Variants in MSI2 observed in about 807,000 individuals in gnomAD.
The protein encoded by MSI2 is musashi RNA binding protein 2, also known as RNA-binding protein Musashi homolog 2.
Under a neutral mutation model 45.6 loss-of-function variants are expected in MSI2, and 17 were observed. That is an observed-to-expected ratio of 0.37 (90% confidence interval 0.26 to 0.56). MSI2 has a LOEUF of 0.56. Ranked by LOEUF, MSI2 falls within the 20% of genes least tolerant of loss-of-function variation. MSI2 has a pLI of 0.77. For synonymous variants in MSI2, 156 were observed against 158.2 expected (o/e 0.99, Z 0.11); for missense variants, 293 against 444.2 (o/e 0.66, Z 3.06).
intron 5 of MSI2, among the ~76,000 whole-genome samples, chr17:57,357,449 G>T (rs978242851): frequency 2.6e-5 from 4 of 152,144 alleles, no homozygotes; most frequent in South Asian, 4.2e-4. Context: ...AGCTTCATTC[G>T]GCAGCACACA....
At chr17:57,325,881 C>T (rs11659147) in intron 5 of MSI2, among the ~76,000 whole-genome samples, 1 of 152,090 alleles carries the variant, frequency 6.6e-6, no homozygotes, top group Non-Finnish European at 1.5e-5. Flanking sequence ...TCTGGCGTCT[C>T]CTCTTGCTAC....
intron 5 of MSI2, among the ~76,000 whole-genome samples, chr17:57,348,746 C>T (rs1377432017): frequency 6.6e-6 from 1 of 152,164 alleles, no homozygotes; most frequent in Non-Finnish European, 1.5e-5. Context: ...ATTACCCAGC[C>T]TCAGGTACTT....
chr17:57,505,613 A>C (rs992688839), intron 6 of MSI2, among the ~76,000 whole-genome samples: 2 of 152,194 alleles, frequency 1.3e-5, no homozygotes, highest in Non-Finnish European at 2.9e-5. Flanking sequence ...AAATGTGTAC[A>C]ACTTGGTAGG....
intron 6 of MSI2, among the ~76,000 whole-genome samples, chr17:57,494,120 C>G (rs1409773029): frequency 1.3e-5 from 2 of 152,144 alleles, no homozygotes; most frequent in African/African-American, 4.8e-5. Context: ...TATGATACCC[C>G]TTTTCACAGG....
intron 7 of MSI2, among the ~76,000 whole-genome samples, chr17:57,568,199 C>T (rs2087784098): frequency 6.6e-6 from 1 of 152,106 alleles, no homozygotes; most frequent in South Asian, 2.1e-4. Context: ...TGGGAGAATG[C>T]CTCTTGGTCC....
chr17:57,294,715 G>A (rs1328720988), intron 5 of MSI2: 1 of 152,272 alleles, frequency 6.6e-6, no homozygotes, highest in African/African-American at 2.4e-5. Context: ...TTGTGCTCCC[G>A]AAGGACTTGG....
chr17:57,675,075 C>G lies in MSI2; in HGVS notation c.894C>G (p.Tyr298Ter). 6.2e-7 allele frequency: 1 copy of G among 1,614,082 alleles called. No individual in the cohort carries two copies. The highest frequency in any genetic ancestry group is 2.2e-5 in the East Asian group (1 of 44,880). ...PASQDSGVGN[Y>*]ISAASPQPGS... ...GCCAGGACTCCGGAGTGGGGAATTA[C>G]ATAAGTGCGGCCAGCCCACAGCCGG... The change falls in exon 12 of 14, where the codon TAC (tyrosine) becomes TAG (stop). Residue 298 changes from tyrosine (Y) to a stop codon, truncating the protein, a stop_gained. Transcript: ENST00000284073. LOFTEE classifies it high-confidence loss of function.
chr17:57,362,456 A>G (rs1916873577), intron 5 of MSI2, among the ~76,000 whole-genome samples: 1 of 152,218 alleles, frequency 6.6e-6, no homozygotes, highest in Non-Finnish European at 1.5e-5. Context: ...TTACCCTCCC[A>G]TTGTGGAAAT....
At chr17:57,392,545 T>C (rs1253715043) in intron 5 of MSI2, among the ~76,000 whole-genome samples, 1 of 152,170 alleles carries the variant, frequency 6.6e-6, no homozygotes, top group Non-Finnish European at 1.5e-5. Context: ...TTTAAAGCTA[T>C]TTAGAGGGAA....
At chr17:57,461,418 G>A (rs1304262421) in intron 6 of MSI2, among the ~76,000 whole-genome samples, 2 of 152,246 alleles carry the variant, frequency 1.3e-5, no homozygotes, top group Admixed American at 6.5e-5. Context: ...AGGTAGCCTC[G>A]GCAGAGGGGC....
intron 8 of MSI2, among the ~76,000 whole-genome samples, chr17:57,610,450 T>TA (rs111461890): frequency 0.047 from 5,189 of 109,632 alleles, 1,311 homozygotes; most frequent in African/African-American, 0.16. Context: ...AGACTCCGTC[T>TA]AAAAAAAAAA....
At chr17:57,581,005 T>C (rs1046280029) in intron 7 of MSI2, among the ~76,000 whole-genome samples, 5 of 61,222 alleles carry the variant, frequency 8.2e-5, no homozygotes, top group Non-Finnish European at 1.3e-4. Context: ...GGTCAGCATC[T>C]TTTTTTTTTT....
At chr17:57,311,846 A>G (rs1028821294) in intron 5 of MSI2, among the ~76,000 whole-genome samples, 2 of 152,040 alleles carry the variant, frequency 1.3e-5, no homozygotes, top group Non-Finnish European at 2.9e-5. Context: ...ACCACACCTG[A>G]TTAATTTTGT....
At chr17:57,326,469 G>A (rs936410436) in intron 5 of MSI2, among the ~76,000 whole-genome samples, 1 of 152,224 alleles carries the variant, frequency 6.6e-6, no homozygotes, top group Admixed American at 6.5e-5. Context: ...ATATAGGTCT[G>A]TATTTCTTGG....
chr17:57,567,761 C>T (rs188609288), intron 7 of MSI2, among the ~76,000 whole-genome samples: 15 of 152,306 alleles, frequency 9.8e-5, no homozygotes, highest in Admixed American at 9.1e-4. Context: ...ATTACCTGTC[C>T]CCAGGGAAGG....
At chr17:57,495,337 A>T (rs2085954678) in intron 6 of MSI2, among the ~76,000 whole-genome samples, 1 of 152,062 alleles carries the variant, frequency 6.6e-6, no homozygotes, top group Admixed American at 6.5e-5. Flanking sequence ...GTTCCAGACC[A>T]GCCTGACCAA....
At chr17:57,336,848 G>T (rs1196443484) in intron 5 of MSI2, among the ~76,000 whole-genome samples, 1 of 152,122 alleles carries the variant, frequency 6.6e-6, no homozygotes, top group Non-Finnish European at 1.5e-5. Flanking sequence ...ATCATCTCAC[G>T]GTGTCTGAGG....
At chr17:57,380,817 C>T (rs2083586069) in intron 5 of MSI2, among the ~76,000 whole-genome samples, 1 of 152,202 alleles carries the variant, frequency 6.6e-6, no homozygotes, top group South Asian at 2.1e-4. Flanking sequence ...TGTACCTTCT[C>T]TCACTTCTGT....
chr17:57,304,297 C>T (rs772135820), intron 5 of MSI2, among the ~76,000 whole-genome samples: 55 of 133,472 alleles, frequency 4.1e-4, no homozygotes, highest in Non-Finnish European at 6.5e-4. Context: ...GTGGAGGTTG[C>T]GGTGAGCCGA....
Sources: allele counts gnomAD v4.1 joint callset (sites outside exome capture counted in the v4.1 genomes callset), GRCh38; gene constraint gnomAD v4.1.1; transcripts MANE v1.5; gene names NCBI Gene and HGNC (gene_info 2026-07-23, HGNC 2026-07-21).